Variants in SCML4 observed in about 807,000 individuals in gnomAD.
SCML4 encodes the protein Scm polycomb group protein like 4.
Under a neutral mutation model 41.1 loss-of-function variants are expected in SCML4, and 34 were observed. That is an observed-to-expected ratio of 0.83 (90% CI 0.63 to 1.10). SCML4 has a LOEUF of 1.10. SCML4 is among the 50% of genes least tolerant of loss of function. The probability of loss-of-function intolerance (pLI) is 0.00; values close to 1 mark genes in which losing one functional copy is unlikely to be tolerated. For synonymous variants in SCML4, 214 were observed against 220.9 expected, an observed-to-expected ratio of 0.97 and a Z score of 0.28; for missense variants, 522 against 534.1, an observed-to-expected ratio of 0.98 and a Z score of 0.22.
chr6:107,785,832 G>A (rs895928433), intron 1 of SCML4, among the ~76,000 whole-genome samples: 1 of 152,152 alleles, frequency 6.6e-6, no homozygotes, highest in Non-Finnish European at 1.5e-5. Flanking sequence ...AAAAAAGAGA[G>A]GTCCTACGAG....
chr6:107,802,978 G>A (rs1347577893), intron 1 of SCML4, among the ~76,000 whole-genome samples: 4 of 151,586 alleles, frequency 2.6e-5, no homozygotes, highest in African/African-American at 9.7e-5. Context: ...GCTCCTAACC[G>A]CGAGTGATCC....
chr6:107,839,389 GAAAGAAAGAA>G, the SCML4 span, among the ~76,000 whole-genome samples: 1 of 140,816 alleles, frequency 7.1e-6, no homozygotes, highest in Non-Finnish European at 1.5e-5. Context: ...AAGAAAGAAA[GAAAGAAAGAA>G]AGAAAGAAAG....
intron 5 of SCML4, among the ~76,000 whole-genome samples, chr6:107,739,397 A>G (rs1777378827): frequency 6.6e-6 from 1 of 151,888 alleles, no homozygotes; most frequent in Non-Finnish European, 1.5e-5. Flanking sequence ...AAAACATCCC[A>G]GTTCTTTCCA....
In SCML4 at chr6:107,705,078, G is replaced by T; in HGVS notation, c.*122C>A. 1 of 903,094 alleles carries T rather than the reference G, an allele frequency of 1.1e-6. No individual in the cohort carries two copies. The highest frequency in any genetic ancestry group is 1.7e-6 in the Non-Finnish European group (1 of 574,064). 55.9% of individuals were successfully genotyped at this position (903,094 alleles called of 1,614,324 possible). A position where few individuals can be genotyped will look rare whatever the true frequency, so the allele number is the denominator to read the frequency against. On this transcript the variant is annotated 3_prime_UTR_variant, in exon 8 of 8. Coordinates refer to ENST00000369020, the MANE Select transcript of SCML4 (RefSeq NM_198081.5). Reference sequence around the variant, plus strand: ...TTCACAAGTTTTATAAAAAGACCACGTCTCTGTGGCTGTTAATTTTAAGAG... The same window carrying T: ...TTCACAAGTTTTATAAAAAGACCACTTCTCTGTGGCTGTTAATTTTAAGAG...
intron 6 of SCML4, among the ~76,000 whole-genome samples, chr6:107,718,057 G>A (rs1775007363): frequency 6.6e-6 from 1 of 152,174 alleles, no homozygotes; most frequent in South Asian, 2.1e-4. Flanking sequence ...TGGAGGCTGA[G>A]GAAGGGTCTG....
intron 5 of SCML4, chr6:107,732,439 T>C (rs1357736841): frequency 1.3e-5 from 2 of 152,258 alleles, no homozygotes; most frequent in Non-Finnish European, 2.9e-5. Flanking sequence ...CTCTGGTCCA[T>C]TTAAGTACAT....
chr6:107,735,271 T>C (rs1776943100), intron 5 of SCML4, among the ~76,000 whole-genome samples: 1 of 152,200 alleles, frequency 6.6e-6, no homozygotes, highest in Non-Finnish European at 1.5e-5. Context: ...TCCTTTCCAA[T>C]GCTCAGCTTG....
intron 2 of SCML4, among the ~76,000 whole-genome samples, chr6:107,769,613 A>C (rs1231956664): frequency 1.3e-5 from 2 of 152,212 alleles, no homozygotes; most frequent in African/African-American, 4.8e-5. Context: ...GAAACATATG[A>C]TTTTATTACG....
chr6:107,735,798 CA>C (rs10714127), intron 5 of SCML4, among the ~76,000 whole-genome samples: 125,142 of 138,120 alleles, frequency 0.91, 57,455 homozygotes, highest in East Asian at 0.98. Context: ...GACCTTGTCT[CA>C]AAAAAAAAAA....
At chr6:107,799,322 T>C (rs1782935058) in intron 1 of SCML4, among the ~76,000 whole-genome samples, 1 of 152,222 alleles carries the variant, frequency 6.6e-6, no homozygotes, top group Admixed American at 6.5e-5. Context: ...TCCCTCTTTA[T>C]TTCTGATAAA....
intron 5 of SCML4, chr6:107,740,013 T>C (rs992355693): frequency 1.5e-5 from 6 of 409,926 alleles, no homozygotes; most frequent in Non-Finnish European, 2.9e-5. Flanking sequence ...TTTAGAGCAA[T>C]TTATTTTTTC....
At chr6:107,769,015 T>G (rs1206347160) in intron 2 of SCML4, among the ~76,000 whole-genome samples, 3 of 152,152 alleles carry the variant, frequency 2.0e-5, no homozygotes, top group Admixed American at 6.5e-5. Context: ...TACCTATTGA[T>G]CTTGGGGAGT....
intron 5 of SCML4, among the ~76,000 whole-genome samples, chr6:107,725,795 G>A (rs1415105975): frequency 3.3e-5 from 5 of 152,126 alleles, no homozygotes; most frequent in South Asian, 2.1e-4. Context: ...ACTTTTGCAC[G>A]TTTGCACTGG....
intron 7 of SCML4, among the ~76,000 whole-genome samples, chr6:107,706,433 T>C (rs1200064342): frequency 6.6e-6 from 1 of 152,184 alleles, no homozygotes; most frequent in Non-Finnish European, 1.5e-5. Flanking sequence ...CTGAGTTAGA[T>C]GAGAATCCTC....
rs1780450817 is a variant in SCML4 at position 107,770,766 on chromosome 6, G to A, written c.156+1406C>T. Among the ~76,000 whole-genome samples the A allele has an allele frequency of 3.3e-5, 5 of 152,314 alleles. No homozygotes were observed. The South Asian group carries it at 1.0e-3, about 32-fold the overall frequency. ...TTCTTCCTGGCCCCAGGAATGCTGA[G>A]TCTGTTGGTAATTTTCATTCTTGGG... is the stretch of plus-strand genomic sequence containing the variant. On this transcript the variant is annotated intron_variant, in intron 2 of 7. Coordinates refer to ENST00000369020, the MANE Select transcript of SCML4 (RefSeq NM_198081.5).
chr6:107,793,898 C>T (rs1218417346), intron 1 of SCML4, among the ~76,000 whole-genome samples: 4 of 152,158 alleles, frequency 2.6e-5, no homozygotes, highest in African/African-American at 4.8e-5. Flanking sequence ...AAGATCACAC[C>T]ACTGCACTCC....
chr6:107,780,663 C>T (rs548223514), intron 1 of SCML4, among the ~76,000 whole-genome samples: 3 of 151,816 alleles, frequency 2.0e-5, no homozygotes, highest in East Asian at 3.9e-4. Context: ...GCCAAGATCT[C>T]GTCACTGCAC....
At chr6:107,763,561 G>GT (rs1175109612) in intron 2 of SCML4, among the ~76,000 whole-genome samples, 1 of 151,836 alleles carries the variant, frequency 6.6e-6, no homozygotes, top group Non-Finnish European at 1.5e-5. Context: ...TAATTTTTGT[G>GT]TTTTTAGTAG....
chr6:107,774,995 T>TA lies in SCML4; in HGVS notation c.-59-2610dup, dbSNP rs796163173. Among the ~76,000 whole-genome samples the TA allele has an allele frequency of 3.8e-3, 512 of 134,822 alleles. 1 individual carries two copies. Among genetic ancestry groups the TA allele is most frequent in the African/African-American group, 0.011 (392 of 36,252 alleles). 88.4% of individuals were successfully genotyped at this position (134,822 alleles called of 152,430 possible). A position where few individuals can be genotyped will look rare whatever the true frequency, so the allele number is the denominator to read the frequency against. ...GGGTGTGACAGAGTGAGACTCCATC[T>TA]AAAAAAAAAAAAAGAAAGAAAGAAA... is the stretch of plus-strand genomic sequence containing the variant. On this transcript the variant is annotated intron_variant, in intron 1 of 7. Transcript: ENST00000369020.
Sources: gnomAD v4.1 joint callset for allele counts (sites outside exome capture counted in the v4.1 genomes callset) on GRCh38, gnomAD v4.1.1 for gene constraint, MANE v1.5 for transcripts, NCBI Gene and HGNC (gene_info 2026-07-23, HGNC 2026-07-21) for gene names.